The following FHOD3 variants were observed in gnomAD, a reference collection of about 807,000 sequenced individuals.
The protein encoded by FHOD3 is formin homology 2 domain containing 3.
In FHOD3, 90 loss-of-function variants were observed where a neutral mutation model predicts 173.0. That is an observed-to-expected ratio of 0.52 (90% CI 0.44 to 0.62). The LOEUF (loss-of-function observed/expected upper bound fraction) is 0.62. FHOD3 is among the 20% of genes least tolerant of loss of function. The pLI is 0.00. For missense variants in FHOD3, 1,945 were observed against 2,034.7 expected (o/e 0.96, Z 0.85); for synonymous variants, 828 against 823.0 (o/e 1.01, Z -0.10).
Position 36,576,597 on chromosome 18 carries a change from T to A in FHOD3, c.606+52T>A, listed in dbSNP as rs770696648. On this transcript the variant is annotated intron_variant, in intron 6 of 28. Transcript: ENST00000590592. ...TTGTTCACTTGTCATATCACTTGCC[T>A]TTCTTTTTTCTCTGAGTCAGTTTTG... 3.5e-6 allele frequency: 5 copies of A among 1,412,186 alleles called. No individual in the cohort carries two copies. In the Admixed American group the frequency reaches 7.8e-5, roughly 22 times the overall value. The allele number at this position is 1,412,186 out of a possible 1,614,324, so 87.5% of individuals were successfully genotyped here.
At chr18:36,709,528 T>G (rs984917409) in intron 18 of FHOD3, 137 bp downstream of exon 18, 1 of 961,118 alleles carries the variant, frequency 1.0e-6, no homozygotes, top group African/African-American at 1.6e-5. Flanking sequence ...TGTCACCCAG[T>G]GTCTGGGGAC....
In FHOD3 at chr18:36,681,524, G is replaced by A. The variant is rs1474398991; in HGVS notation, c.1924G>A (p.Glu642Lys). The A allele has an allele frequency of 1.2e-6, 2 of 1,613,956 alleles. No homozygotes were observed. Among genetic ancestry groups the A allele is most frequent in the South Asian group, 1.1e-5 (1 of 91,054 alleles). Residue 642 changes from glutamate (E) to lysine (K), a missense_variant, in exon 15 of 29, where the codon GAA (glutamate) becomes AAA (lysine). Glu to Lys is a moderately conservative substitution (Grantham distance 56). This residue lies in a region of FHOD3 where 1,099 missense variants were observed against 1,051.2 expected (regional missense o/e 1.05). Transcript: ENST00000590592. ...GAGAGAGAGGCGGCGGCAGGAGAGA[G>A]AAGAAAGGTTGCAGAGAATAGAGCG... is the stretch of plus-strand genomic sequence containing the variant. ...AERERRRQER[E>K]ERLQRIEREE...
chr18:36,638,276 C>T (rs989936597), intron 10 of FHOD3, among the ~76,000 whole-genome samples: 1 of 152,140 alleles, frequency 6.6e-6, no homozygotes, highest in South Asian at 2.1e-4. Flanking sequence ...ATGCCATGTG[C>T]AATGGCAAAG....
At chr18:36,385,405 GT>G (rs1367322419) in intron 3 of FHOD3, among the ~76,000 whole-genome samples, 1 of 152,042 alleles carries the variant, frequency 6.6e-6, no homozygotes, top group South Asian at 2.1e-4. Flanking sequence ...GTTTTGTTTT[GT>G]TTTTTCTTGA....
At chr18:36,768,117 T>G (rs2043219805) in intron 27 of FHOD3, among the ~76,000 whole-genome samples, 1 of 152,192 alleles carries the variant, frequency 6.6e-6, no homozygotes, top group Admixed American at 6.5e-5. Context: ...CACCTACAGG[T>G]TTTTGAAGTT....
chr18:36,654,394 G>T (rs568164131), intron 13 of FHOD3, among the ~76,000 whole-genome samples: 1 of 152,212 alleles, frequency 6.6e-6, no homozygotes, highest in East Asian at 1.9e-4. Context: ...TGAGAAGCCT[G>T]TCTACAGTTT....
chr18:36,493,160 A>T (rs1378270187), intron 3 of FHOD3, among the ~76,000 whole-genome samples: 1 of 150,910 alleles, frequency 6.6e-6, no homozygotes. Context: ...GGGCATCCAT[A>T]TCCCTGAAAT....
chr18:36,743,338 A>G (rs958140532), intron 22 of FHOD3, among the ~76,000 whole-genome samples: 1 of 132,058 alleles, frequency 7.6e-6, no homozygotes, highest in Non-Finnish European at 1.6e-5. Context: ...AAAAAAAAAG[A>G]TATCAGGGCC....
chr18:36,704,739 C>G lies in FHOD3; in HGVS notation c.2237-4356C>G, dbSNP rs139282951. Among the ~76,000 whole-genome samples the G allele has an allele frequency of 2.0e-5, 3 of 152,254 alleles. No homozygotes were observed. The South Asian group carries it at 6.2e-4, about 32-fold the overall frequency. ...ACCAGAGCCCTCCCCATAGAGAGAT[C>G]GTGAGGGCTTCGGAAGGCAGTTCCT... On this transcript the variant is annotated intron_variant, in intron 17 of 28. Coordinates refer to ENST00000590592, the MANE Select transcript of FHOD3 (RefSeq NM_001281740.3).
At chr18:36,431,684 T>G (rs937823013) in intron 3 of FHOD3, among the ~76,000 whole-genome samples, 2 of 152,210 alleles carry the variant, frequency 1.3e-5, no homozygotes, top group African/African-American at 4.8e-5. Flanking sequence ...TTAAAGCCAC[T>G]AACATATGGT....
intron 3 of FHOD3, among the ~76,000 whole-genome samples, chr18:36,500,086 A>G (rs1030276288): frequency 6.6e-6 from 1 of 152,170 alleles, no homozygotes; most frequent in Non-Finnish European, 1.5e-5. Context: ...GTAATACAGC[A>G]AGGGAGGGGG....
At chr18:36,635,967 G>T (rs1485295966) in intron 10 of FHOD3, among the ~76,000 whole-genome samples, 1 of 152,176 alleles carries the variant, frequency 6.6e-6, no homozygotes, top group Admixed American at 6.5e-5. Context: ...GGCTAGAGTG[G>T]ACTTAGGTGG....
chr18:36,395,070 C>T (rs531759452), intron 3 of FHOD3, among the ~76,000 whole-genome samples: 15 of 152,144 alleles, frequency 9.9e-5, no homozygotes, highest in African/African-American at 3.1e-4. Flanking sequence ...CCATATTTAC[C>T]CACTTAAATT....
chr18:36,464,120 C>T (rs1461377901), intron 3 of FHOD3, among the ~76,000 whole-genome samples: 2 of 152,148 alleles, frequency 1.3e-5, no homozygotes, highest in East Asian at 1.9e-4. Context: ...TGACATTCAA[C>T]TTGGACCGTA....
chr18:36,550,243 C>CATATATATATATATATATATAT (rs371573246), intron 5 of FHOD3, among the ~76,000 whole-genome samples: 21 of 120,710 alleles, frequency 1.7e-4, no homozygotes, highest in African/African-American at 3.5e-4. Context: ...AGTGGTAGAC[C>CATATATATATATATATATATAT]ATATATATAT....
chr18:36,442,147 T>C (rs569026542), intron 3 of FHOD3, among the ~76,000 whole-genome samples: 1 of 152,322 alleles, frequency 6.6e-6, no homozygotes, highest in South Asian at 2.1e-4. Flanking sequence ...GCCCCCTCCC[T>C]GCTCCCCTTC....
At chr18:36,413,475 G>A (rs926631944) in intron 3 of FHOD3, among the ~76,000 whole-genome samples, 2 of 152,196 alleles carry the variant, frequency 1.3e-5, no homozygotes, top group Non-Finnish European at 2.9e-5. Flanking sequence ...CTGCTGAAGG[G>A]AGGAAGATGC....
intron 18 of FHOD3, among the ~76,000 whole-genome samples, chr18:36,713,066 A>C (rs760886572): frequency 1.3e-5 from 2 of 152,228 alleles, no homozygotes; most frequent in Non-Finnish European, 2.9e-5. Flanking sequence ...TCTCAGATAA[A>C]GAAAAACTAA....
intron 3 of FHOD3, among the ~76,000 whole-genome samples, chr18:36,452,190 G>C (rs1423878219): frequency 6.6e-6 from 1 of 152,136 alleles, no homozygotes; most frequent in East Asian, 1.9e-4. Flanking sequence ...GGTATCTTAA[G>C]ACTTTTATTT....
Sources: allele counts gnomAD v4.1 joint callset (sites outside exome capture counted in the v4.1 genomes callset), GRCh38; gene constraint gnomAD v4.1.1; regional missense constraint gnomAD v4.1.1; transcripts MANE v1.5; gene names NCBI Gene and HGNC (gene_info 2026-07-23, HGNC 2026-07-21).